ZC2HC1B: variants seen among roughly 807,000 people sequenced by gnomAD.
ZC2HC1B encodes zinc finger C2HC domain-containing protein 1B.
Under a neutral mutation model 31.0 loss-of-function variants are expected in ZC2HC1B, and 36 were observed. The ratio of observed to expected loss-of-function variants is 1.16; its 90% confidence interval spans 0.89 to 1.54. ZC2HC1B has a LOEUF of 1.54. Among genes scored for constraint, ZC2HC1B ranks in the 40% most tolerant of loss-of-function variants. The probability of loss-of-function intolerance (pLI) is 0.00; values close to 1 mark genes in which losing one functional copy is unlikely to be tolerated. For synonymous variants in ZC2HC1B, 73 were observed against 88.0 expected (o/e 0.83, Z 0.95); for missense variants, 260 against 268.6 (o/e 0.97, Z 0.22).
Position 143,884,869 on chromosome 6 carries a change from C to T in ZC2HC1B, c.90+504C>T, listed in dbSNP as rs1777511558. On this transcript the variant is annotated intron_variant, in intron 2 of 7. Coordinates refer to ENST00000237275, the MANE Select transcript of ZC2HC1B (RefSeq NM_001013623.3). The surrounding 1 kb of genome is among the most constrained non-coding windows in gnomAD (Gnocchi z 5.1). ...TTTATACCATTTGAACAAAATGATA[C>T]ATGGATGTAAGTCCTGTTCCAAGAT... 6.6e-6 allele frequency among the ~76,000 whole-genome samples: 1 copy of T among 152,116 alleles called. No individual in the cohort carries two copies. Among genetic ancestry groups the T allele is most frequent in the Non-Finnish European group, 1.5e-5 (1 of 68,022 alleles).
At chr6:143,892,700 A>G (rs1480348319) in intron 4 of ZC2HC1B, among the ~76,000 whole-genome samples, 1 of 152,192 alleles carries the variant, frequency 6.6e-6, no homozygotes, top group Non-Finnish European at 1.5e-5. Flanking sequence ...ATCCACCCCC[A>G]TGATCCAAAC....
At position 143,868,411 on chromosome 6, in the gene ZC2HC1B, T is replaced by A. The variant is rs924825077; in HGVS notation, c.28+3844T>A. ...GTTCAATGTTTGAGGGCAGGAAGCA[T>A]CCAGCACAGGAGAAAGATGTAGGCT... On this transcript the variant is annotated intron_variant, in intron 1 of 7. Coordinates refer to ENST00000237275, the MANE Select transcript of ZC2HC1B (RefSeq NM_001013623.3). This position sits in a 1 kb window ranked among gnomAD's most constrained non-coding sequence, Gnocchi z 4.2. 3.3e-5 allele frequency among the ~76,000 whole-genome samples: 5 copies of A among 152,086 alleles called. No individual in the cohort carries two copies. The highest frequency in any genetic ancestry group is 5.9e-5 in the Non-Finnish European group (4 of 68,028).
rs867834471 is a variant in ZC2HC1B, at chr6:143,905,326, G to A, written c.598+2174G>A. Among the ~76,000 whole-genome samples the A allele has an allele frequency of 1.3e-5, 2 of 151,982 alleles. No homozygotes were observed. The highest frequency in any genetic ancestry group is 2.9e-5 in the Non-Finnish European group (2 of 67,976). On this transcript the variant is annotated intron_variant, in intron 6 of 7. Transcript: ENST00000237275. The surrounding 1 kb of genome is among the most constrained non-coding windows in gnomAD (Gnocchi z 4.2). Reference sequence around the variant, plus strand: ...CCTAAGTGTTCTTTTTGATGTTATTGTAAATGTAGTTGTCTTCATAATTTT... The same window carrying A: ...CCTAAGTGTTCTTTTTGATGTTATTATAAATGTAGTTGTCTTCATAATTTT...
At chr6:143,875,626 T>C (rs1184225671) in intron 1 of ZC2HC1B, among the ~76,000 whole-genome samples, 1 of 150,732 alleles carries the variant, frequency 6.6e-6, no homozygotes, top group Non-Finnish European at 1.5e-5. Context: ...TTTATATAAG[T>C]TAGAAAACAA....
intron 1 of ZC2HC1B, among the ~76,000 whole-genome samples, chr6:143,867,758 G>A (rs111252429): frequency 1.2e-4 from 18 of 152,314 alleles, no homozygotes; most frequent in African/African-American, 4.1e-4. Context: ...TATCTTAGTC[G>A]TGATAGCCGT....
At position 143,913,937 on chromosome 6, in the gene ZC2HC1B, T is replaced by A. The variant is rs143390409; in HGVS notation, c.598+10785T>A. Reference sequence around the variant, plus strand: ...AAGCTGTATTCACTTGCCTGTTTTGTTCCTTTCTGTGAGTGCTGTGGACCA... The same window carrying A: ...AAGCTGTATTCACTTGCCTGTTTTGATCCTTTCTGTGAGTGCTGTGGACCA... On this transcript the variant is annotated intron_variant, in intron 6 of 7. Coordinates refer to ENST00000237275, the MANE Select transcript of ZC2HC1B (RefSeq NM_001013623.3). This position sits in a 1 kb window ranked among gnomAD's most constrained non-coding sequence, Gnocchi z 5.7. 1.9e-3 allele frequency among the ~76,000 whole-genome samples: 291 copies of A among 152,342 alleles called. 4 individuals carry two copies. The highest frequency in any genetic ancestry group is 0.013 in the East Asian group (65 of 5,180).
Position 143,922,891 on chromosome 6 carries a change from G to C in ZC2HC1B, c.599-14758G>C, listed in dbSNP as rs1175545419. On this transcript the variant is annotated intron_variant, in intron 6 of 7. Coordinates refer to ENST00000237275, the MANE Select transcript of ZC2HC1B (RefSeq NM_001013623.3). The surrounding 1 kb of genome is among the most constrained non-coding windows in gnomAD (Gnocchi z 5.0). ...CCCAAGAGTGAGATTACTAGATTTTGTGTTAGTTGTATTGTTAGTTTGTTG... is the reference window on the plus strand; with the variant it reads ...CCCAAGAGTGAGATTACTAGATTTTCTGTTAGTTGTATTGTTAGTTTGTTG... 6.6e-6 allele frequency among the ~76,000 whole-genome samples: 1 copy of C among 152,046 alleles called. No individual in the cohort carries two copies. Among genetic ancestry groups the C allele is most frequent in the Non-Finnish European group, 1.5e-5 (1 of 67,972 alleles).
intron 5 of ZC2HC1B, among the ~76,000 whole-genome samples, chr6:143,902,634 C>T (rs1777749794): frequency 6.6e-6 from 1 of 151,974 alleles, no homozygotes; most frequent in Admixed American, 6.6e-5. Flanking sequence ...ACATTTGCTG[C>T]CTGCCAATCT....
In ZC2HC1B at chr6:143,937,631, CT is replaced by C. The variant is rs1380162268; in HGVS notation, c.599-17del. On this transcript the variant is annotated splice_polypyrimidine_tract_variant and intron_variant, in intron 6 of 7. Transcript: ENST00000237275. Reference sequence around the variant, plus strand: ...GTTCTGCTTTGACATAATAACAAATCTGTTTATGTTTGCAAAGGATTAGCTA... The same window carrying C: ...GTTCTGCTTTGACATAATAACAAATCGTTTATGTTTGCAAAGGATTAGCTA... 2.9e-5 allele frequency: 45 copies of C among 1,535,824 alleles called. No homozygotes were observed. The highest frequency in any genetic ancestry group is 3.9e-5 in the Non-Finnish European group (45 of 1,140,448).
chr6:143,888,552 T>A (rs188242251), intron 4 of ZC2HC1B, among the ~76,000 whole-genome samples: 19 of 152,164 alleles, frequency 1.2e-4, no homozygotes, highest in African/African-American at 4.3e-4. Flanking sequence ...ATTATTTACA[T>A]CTTCTTTAAT....
Position 143,934,872 on chromosome 6 carries a change from G to A in ZC2HC1B, c.599-2777G>A, listed in dbSNP as rs918284334. On this transcript the variant is annotated intron_variant, in intron 6 of 7. Coordinates refer to ENST00000237275, the MANE Select transcript of ZC2HC1B (RefSeq NM_001013623.3). This position sits in a 1 kb window ranked among gnomAD's most constrained non-coding sequence, Gnocchi z 4.6. ...CTGCCTGTCCTTGGGACCCCAGGTA[G>A]CATACGTGGGCACTGGTGTTAGCAG... Among the ~76,000 whole-genome samples, 2 of 152,282 alleles carry A rather than the reference G, an allele frequency of 1.3e-5. No individual in the cohort carries two copies. The highest frequency in any genetic ancestry group is 2.9e-5 in the Non-Finnish European group (2 of 68,016).
chr6:143,903,084 C>G lies in ZC2HC1B; in HGVS notation c.530C>G (p.Thr177Ser). The change falls in exon 6 of 8, where the codon ACC becomes AGC. Residue 177 changes from threonine (T) to serine (S), a missense_variant. Physicochemically the swap from Thr to Ser is moderately conservative, Grantham distance 58 (BLOSUM62 1). Coordinates refer to ENST00000237275, the MANE Select transcript of ZC2HC1B (RefSeq NM_001013623.3). This position sits in a 1 kb window ranked among gnomAD's most constrained non-coding sequence, Gnocchi z 4.3. ...QMGPKKEPTV[T>S]SAVGALLQNR... ...GGTCCAAAAAAAGAACCAACTGTTA[C>G]CAGTGCTGTGGGAGCTTTGCTGCAG... 6.4e-7 allele frequency: 1 copy of G among 1,551,926 alleles called. No individual in the cohort carries two copies. The highest frequency in any genetic ancestry group is 8.7e-7 in the Non-Finnish European group (1 of 1,147,028).
rs1006152674 is a variant in ZC2HC1B, at chr6:143,872,266, A to G, written c.28+7699A>G. Among the ~76,000 whole-genome samples the G allele has an allele frequency of 9.2e-5, 14 of 152,194 alleles. No individual in the cohort carries two copies. Among genetic ancestry groups the G allele is most frequent in the Non-Finnish European group, 1.8e-4 (12 of 68,034 alleles). On this transcript the variant is annotated intron_variant, in intron 1 of 7. Transcript: ENST00000237275. This position sits in a 1 kb window ranked among gnomAD's most constrained non-coding sequence, Gnocchi z 5.5. Reference sequence around the variant, plus strand: ...TAAGGGGCCATGATTCTCTGTTTTTATAATTCAGATTAGTCTTTTGTCCAT... The same window carrying G: ...TAAGGGGCCATGATTCTCTGTTTTTGTAATTCAGATTAGTCTTTTGTCCAT...
rs1481423404 is a variant in ZC2HC1B, at chr6:143,933,520, C to T, written c.599-4129C>T. Among the ~76,000 whole-genome samples the T allele has an allele frequency of 6.6e-6, 1 of 152,078 alleles. No individual in the cohort carries two copies. Among genetic ancestry groups the T allele is most frequent in the East Asian group, 1.9e-4 (1 of 5,186 alleles). ...CCTTGGGTGGGGGTTGCTGTGGCCA[C>T]TGTGGGGAGATCAGGGGATGGTTCT... On this transcript the variant is annotated intron_variant, in intron 6 of 7. Transcript: ENST00000237275. This position sits in a 1 kb window ranked among gnomAD's most constrained non-coding sequence, Gnocchi z 6.4.
chr6:143,904,798 A>G (rs1227694929), intron 6 of ZC2HC1B, among the ~76,000 whole-genome samples: 1 of 152,184 alleles, frequency 6.6e-6, no homozygotes, highest in African/African-American at 2.4e-5. Context: ...GTGTTAGGTA[A>G]GAGTCCAGCT....
chr6:143,892,876 G>C (rs1777617545), intron 4 of ZC2HC1B, among the ~76,000 whole-genome samples: 1 of 151,536 alleles, frequency 6.6e-6, no homozygotes, highest in Admixed American at 6.6e-5. Context: ...TTCCCAGGCA[G>C]GACACAAAAT....
At chr6:143,929,768 CTTA>C (rs1233815429) in intron 6 of ZC2HC1B, among the ~76,000 whole-genome samples, 1 of 152,102 alleles carries the variant, frequency 6.6e-6, no homozygotes, top group Non-Finnish European at 1.5e-5. Flanking sequence ...TATCTCACTA[CTTA>C]TTATTGTTCT....
In ZC2HC1B at chr6:143,923,961, A is replaced by AT. The variant is rs1357449414; in HGVS notation, c.599-13681dup. Among the ~76,000 whole-genome samples, 7 of 151,560 alleles carry AT rather than the reference A, an allele frequency of 4.6e-5. No homozygotes were observed. The highest frequency in any genetic ancestry group is 1.0e-4 in the Non-Finnish European group (7 of 67,844). On this transcript the variant is annotated intron_variant, in intron 6 of 7. Transcript: ENST00000237275. The surrounding 1 kb of genome is among the most constrained non-coding windows in gnomAD (Gnocchi z 4.8). ...TTAATGGTTCTATACAAATTTTAGGATTTTTTTGTATTTATATAAAGAATG... is the reference window on the plus strand; with the variant it reads ...TTAATGGTTCTATACAAATTTTAGGATTTTTTTTGTATTTATATAAAGAATG...
At position 143,934,056 on chromosome 6, in the gene ZC2HC1B, T is replaced by C. The variant is rs1176112714; in HGVS notation, c.599-3593T>C. On this transcript the variant is annotated intron_variant, in intron 6 of 7. Transcript: ENST00000237275. This position sits in a 1 kb window ranked among gnomAD's most constrained non-coding sequence, Gnocchi z 4.6. Reference sequence around the variant, plus strand: ...ACAAGGCTTGTCCCACTGCTGCTTCTACTTTTACATTTCACAGCAAATCAA... The same window carrying C: ...ACAAGGCTTGTCCCACTGCTGCTTCCACTTTTACATTTCACAGCAAATCAA... Among the ~76,000 whole-genome samples the C allele has an allele frequency of 1.3e-5, 2 of 152,238 alleles. No homozygotes were observed. Among genetic ancestry groups the C allele is most frequent in the Non-Finnish European group, 2.9e-5 (2 of 68,042 alleles).
Sources: allele counts gnomAD v4.1 joint callset (sites outside exome capture counted in the v4.1 genomes callset), GRCh38; gene constraint gnomAD v4.1.1; non-coding constraint Gnocchi (gnomAD v3.1); transcripts MANE v1.5; gene names NCBI Gene and HGNC (gene_info 2026-07-23, HGNC 2026-07-21).